The following APC variants were observed in gnomAD, a reference collection of about 807,000 sequenced individuals.
APC encodes adenomatous polyposis coli protein.
A neutral mutation model predicts 247.0 loss-of-function variants in APC; 72 were observed. The observed-to-expected ratio is 0.29, with a 90% CI of 0.24 to 0.35. The LOEUF is 0.35. APC is among the 10% of genes least tolerant of loss of function. The probability of loss-of-function intolerance (pLI) is 1.00; values close to 1 mark genes in which losing one functional copy is unlikely to be tolerated. For missense variants in APC, 3,400 were observed against 3,360.7 expected, an observed-to-expected ratio of 1.01 and a Z score of -0.29; for synonymous variants, 1,254 against 1,162.5, an observed-to-expected ratio of 1.08 and a Z score of -1.60.
Position 112,839,456 on chromosome 5 carries a change from G to A in APC, c.3862G>A (p.Gly1288Arg), listed in dbSNP as rs765608881. The change falls in exon 16 of 16, where the codon GGA (glycine) becomes AGA (arginine). Residue 1288 changes from glycine (G) to arginine (R), a missense_variant. By Grantham distance (125) the Gly-to-Arg change is moderately radical. Coordinates refer to ENST00000257430, the MANE Select transcript of APC (RefSeq NM_000038.6). This position sits in a 1 kb window ranked among gnomAD's most constrained non-coding sequence, Gnocchi z 5.0. Reference protein sequence around the residue: ...SSLSSAEDEIGCNQTTQEADS... With the variant: ...SSLSSAEDEIRCNQTTQEADS... ...TTTGTCATCAGCTGAAGATGAAATA[G>A]GATGTAATCAGACGACACAGGAAGC... 6.2e-7 allele frequency: 1 copy of A among 1,614,138 alleles called. No homozygotes were observed. Among genetic ancestry groups the A allele is most frequent in the Non-Finnish European group, 8.5e-7 (1 of 1,179,992 alleles).
chr5:112,825,052 G>A lies in APC; in HGVS notation c.1409-2056G>A, dbSNP rs375616619. On this transcript the variant is annotated intron_variant, in intron 11 of 15. Transcript: ENST00000257430. Reference sequence around the variant, plus strand: ...AACTCAACTGTCACAAACTGAATTCGTAATCTTTCCCATCCCTGAATCTCT... The same window carrying A: ...AACTCAACTGTCACAAACTGAATTCATAATCTTTCCCATCCCTGAATCTCT... 2.9e-4 allele frequency among the ~76,000 whole-genome samples: 44 copies of A among 152,178 alleles called. 1 individual carries two copies. Among genetic ancestry groups the A allele is most frequent in the African/African-American group, 1.0e-3 (42 of 41,528 alleles).
chr5:112,844,231 G>A lies in APC; in HGVS notation c.*105G>A. 9.1e-7 allele frequency: 1 copy of A among 1,093,996 alleles called. No individual in the cohort carries two copies. Among genetic ancestry groups the A allele is most frequent in the Non-Finnish European group, 1.3e-6 (1 of 759,016 alleles). The allele number at this position is 1,093,996 out of a possible 1,614,324, so 67.8% of individuals were successfully genotyped here. ...AAAAGACTGAAAAATTTTGTAAATA[G>A]GTTTGATTCTTGTTAGAGGGTTTTT... On this transcript the variant is annotated 3_prime_UTR_variant, in exon 16 of 16. Coordinates refer to ENST00000257430, the MANE Select transcript of APC (RefSeq NM_000038.6).
intron 7 of APC, 30 bp downstream of exon 7, chr5:112,792,559 T>C: frequency 6.7e-7 from 1 of 1,496,916 alleles, no homozygotes. Context: ...TGTTTGTGGG[T>C]ATAAAAATAG....
At chr5:112,728,343 G>A (rs1751914568) in intron 1 of APC, among the ~76,000 whole-genome samples, 1 of 152,044 alleles carries the variant, frequency 6.6e-6, no homozygotes, top group Non-Finnish European at 1.5e-5. Flanking sequence ...TGTTGGCCAG[G>A]CTGCTCTTGA....
chr5:112,722,990 AT>A (rs1338434592), intron 1 of APC, among the ~76,000 whole-genome samples: 5 of 151,992 alleles, frequency 3.3e-5, no homozygotes, highest in African/African-American at 1.2e-4. Context: ...TCTGTGTAGC[AT>A]TTCTTCTTTG....
chr5:112,827,965 C>T lies in APC; in HGVS notation c.1585C>T (p.Leu529Phe), dbSNP rs1428025300. ...LCSMKGCMRALVAQLKSESED... is the reference protein window; with the variant it reads ...LCSMKGCMRAFVAQLKSESED... Reference sequence around the variant, plus strand: ...CTCTATGAAAGGCTGCATGAGAGCACTTGTGGCCCAACTAAAATCTGAAAG... The same window carrying T: ...CTCTATGAAAGGCTGCATGAGAGCATTTGTGGCCCAACTAAAATCTGAAAG... Residue 529 changes from leucine (L) to phenylalanine (F), a missense_variant, in exon 13 of 16, where the codon CTT becomes TTT. Leu to Phe is a conservative substitution (Grantham distance 22). This residue lies in a region of APC where 184 missense variants were observed against 248.0 expected (regional missense o/e 0.74). Coordinates refer to ENST00000257430, the MANE Select transcript of APC (RefSeq NM_000038.6). 6.2e-7 allele frequency: 1 copy of T among 1,613,214 alleles called. No homozygotes were observed. The highest frequency in any genetic ancestry group is 8.5e-7 in the Non-Finnish European group (1 of 1,179,946).
chr5:112,751,354 G>A (rs1754343381), intron 1 of APC, among the ~76,000 whole-genome samples: 1 of 151,940 alleles, frequency 6.6e-6, no homozygotes, highest in Non-Finnish European at 1.5e-5. Context: ...TTTTTTAAAT[G>A]TCTAGCTGCA....
intron 6 of APC, among the ~76,000 whole-genome samples, chr5:112,790,453 G>A (rs1759451239): frequency 6.6e-6 from 1 of 151,862 alleles, no homozygotes; most frequent in Non-Finnish European, 1.5e-5. Flanking sequence ...AGCCTCCCGA[G>A]TAGCTGGGAT....
chr5:112,751,900 G>T (rs996103148), intron 1 of APC, among the ~76,000 whole-genome samples: 2 of 151,838 alleles, frequency 1.3e-5, no homozygotes, highest in South Asian at 4.1e-4. Context: ...TTAAAGAAAT[G>T]TTCTTTTTTA....
chr5:112,768,513 CTTT>C (rs76547596), intron 4 of APC, among the ~76,000 whole-genome samples: 9 of 129,918 alleles, frequency 6.9e-5, no homozygotes, highest in Admixed American at 1.5e-4. Context: ...TGAAATACTT[CTTT>C]TTTTTTTTTT....
chr5:112,760,256 T>C (rs1263157081), intron 2 of APC, among the ~76,000 whole-genome samples: 1 of 152,138 alleles, frequency 6.6e-6, no homozygotes, highest in Non-Finnish European at 1.5e-5. Flanking sequence ...AGGGCAGATG[T>C]AGAGATACTA....
intron 6 of APC, among the ~76,000 whole-genome samples, chr5:112,781,508 A>G (rs1211701436): frequency 6.6e-6 from 1 of 152,220 alleles, no homozygotes; most frequent in East Asian, 1.9e-4. Flanking sequence ...CAATTGCCTT[A>G]TCTGTTTCAA....
intron 1 of APC, among the ~76,000 whole-genome samples, chr5:112,721,965 A>G (rs1751506153): frequency 6.6e-6 from 1 of 152,162 alleles, no homozygotes; most frequent in South Asian, 2.1e-4. Context: ...ATCCTGGGCC[A>G]TGCAGCCCTG....
At chr5:112,826,299 G>T (rs1283268268) in intron 11 of APC, among the ~76,000 whole-genome samples, 1 of 151,900 alleles carries the variant, frequency 6.6e-6, no homozygotes, top group East Asian at 1.9e-4. Flanking sequence ...GCCTCCACAT[G>T]CATTTTTCTC....
intron 11 of APC, among the ~76,000 whole-genome samples, chr5:112,822,319 A>T (rs942494756): frequency 1.3e-5 from 2 of 152,094 alleles, no homozygotes; most frequent in African/African-American, 4.8e-5. Context: ...GCTGATGAGG[A>T]TGGTAATTTG....
intron 15 of APC, among the ~76,000 whole-genome samples, chr5:112,836,857 T>C (rs1477858672): frequency 1.3e-5 from 2 of 151,906 alleles, no homozygotes; most frequent in African/African-American, 2.4e-5. Context: ...TGCACTACCA[T>C]GCCCGGCTAA....
At chr5:112,733,850 G>C (rs1268246607), upstream of APC, among the ~76,000 whole-genome samples, 1 of 152,192 alleles carries the variant, frequency 6.6e-6, no homozygotes, top group Non-Finnish European at 1.5e-5. Context: ...GTCAGCAGTA[G>C]AAAGACATGG....
chr5:112,750,056 A>G (rs1168224112), intron 1 of APC, among the ~76,000 whole-genome samples: 3 of 140,798 alleles, frequency 2.1e-5, no homozygotes, highest in Non-Finnish European at 4.5e-5. Context: ...TCCACCTCCC[A>G]GGTTCAAGCT....
chr5:112,761,997 A>G (rs964685201), intron 2 of APC, among the ~76,000 whole-genome samples: 18 of 151,860 alleles, frequency 1.2e-4, no homozygotes, highest in Admixed American at 1.1e-3. Flanking sequence ...CCAAAGGCTC[A>G]GTTCAGAATA....
Sources: allele counts gnomAD v4.1 joint callset (sites outside exome capture counted in the v4.1 genomes callset), GRCh38; gene constraint gnomAD v4.1.1; regional missense constraint gnomAD v4.1.1; non-coding constraint Gnocchi (gnomAD v3.1); transcripts MANE v1.5; gene names NCBI Gene and HGNC (gene_info 2026-07-23, HGNC 2026-07-21).